Variants in OSBPL1A observed in about 807,000 individuals in gnomAD.
OSBPL1A encodes the protein oxysterol binding protein like 1A.
A neutral mutation model predicts 137.1 loss-of-function variants in OSBPL1A; 80 were observed. That is an observed-to-expected ratio of 0.58 (90% CI 0.49 to 0.70). The LOEUF (loss-of-function observed/expected upper bound fraction) is 0.70. Ranked by LOEUF, OSBPL1A falls within the 30% of genes least tolerant of loss-of-function variation. OSBPL1A has a pLI of 0.00. For synonymous variants in OSBPL1A, 365 were observed against 389.7 expected (o/e 0.94, Z 0.75); for missense variants, 970 against 1,129.4 (o/e 0.86, Z 2.02).
intron 14 of OSBPL1A, 65 bp from the exon 15 acceptor site, chr18:24,281,013 C>G: frequency 1.0e-6 from 1 of 965,282 alleles, no homozygotes; most frequent in Non-Finnish European, 1.5e-6. Context: ...ACTAAGACCA[C>G]AAAAATACTC....
chr18:24,263,931 T>C (rs1463797293), intron 15 of OSBPL1A, among the ~76,000 whole-genome samples: 1 of 152,104 alleles, frequency 6.6e-6, no homozygotes, highest in Non-Finnish European at 1.5e-5. Flanking sequence ...GCCACTACGT[T>C]CAGCCTATTC....
chr18:24,180,385 T>C (rs1567924567), intron 19 of OSBPL1A, among the ~76,000 whole-genome samples: 1 of 152,174 alleles, frequency 6.6e-6, no homozygotes, highest in Non-Finnish European at 1.5e-5. Context: ...AAAAGTGCAA[T>C]TCCTTGCCGT....
chr18:24,255,499 C>T (rs2089244408), intron 15 of OSBPL1A, among the ~76,000 whole-genome samples: 1 of 152,174 alleles, frequency 6.6e-6, no homozygotes, highest in Non-Finnish European at 1.5e-5. Flanking sequence ...AATTGATTGT[C>T]TCCTTTGGAG....
At chr18:24,305,747 G>A (rs570173740) in intron 13 of OSBPL1A, among the ~76,000 whole-genome samples, 139 of 152,190 alleles carry the variant, frequency 9.1e-4, no homozygotes, top group African/African-American at 3.2e-3. Context: ...GGAGGAACCC[G>A]GTGGGAGGTA....
intron 15 of OSBPL1A, among the ~76,000 whole-genome samples, chr18:24,266,539 G>C (rs1195256936): frequency 2.0e-5 from 3 of 152,168 alleles, no homozygotes; most frequent in Non-Finnish European, 4.4e-5. Flanking sequence ...AAAGTATGAA[G>C]GAAAAAGAGG....
intron 16 of OSBPL1A, among the ~76,000 whole-genome samples, chr18:24,227,893 A>C (rs1301206398): frequency 6.6e-6 from 1 of 152,204 alleles, no homozygotes; most frequent in Non-Finnish European, 1.5e-5. Context: ...AAAGCAATGA[A>C]GCAAAATACC....
chr18:24,268,984 G>A (rs76888153), intron 15 of OSBPL1A, among the ~76,000 whole-genome samples: 1 of 152,078 alleles, frequency 6.6e-6, no homozygotes, highest in Admixed American at 6.5e-5. Context: ...TGTGACTTGT[G>A]CCATAAAACT....
rs564562017 is a variant in OSBPL1A at position 24,278,159 on chromosome 18, G to A, written c.1281+2683C>T. Reference sequence around the variant, plus strand: ...AGTGCTTCTAAAAGCTTGCTATATGGTTTCCCTTATTCAAAAGATGAAGAC... The same window carrying A: ...AGTGCTTCTAAAAGCTTGCTATATGATTTCCCTTATTCAAAAGATGAAGAC... On this transcript the variant is annotated intron_variant, in intron 15 of 27. Coordinates refer to ENST00000319481, the MANE Select transcript of OSBPL1A (RefSeq NM_080597.4). 6.6e-5 allele frequency among the ~76,000 whole-genome samples: 10 copies of A among 152,272 alleles called. No individual in the cohort carries two copies. The South Asian group carries it at 2.1e-3, about 32-fold the overall frequency.
chr18:24,165,208 G>A, intron 26 of OSBPL1A, 53 bp from the exon 27 acceptor site: 1 of 1,492,752 alleles, frequency 6.7e-7, no homozygotes, highest in Non-Finnish European at 9.3e-7. Flanking sequence ...GAGGATGCCA[G>A]GCACAGTATT....
chr18:24,313,404 G>A (rs1174972303), intron 12 of OSBPL1A, among the ~76,000 whole-genome samples: 6 of 148,908 alleles, frequency 4.0e-5, no homozygotes, highest in African/African-American at 1.5e-4. Flanking sequence ...TCCCACCACT[G>A]CACTCAAGCC....
At chr18:24,203,444 A>C (rs1217343405) in intron 17 of OSBPL1A, among the ~76,000 whole-genome samples, 1 of 152,136 alleles carries the variant, frequency 6.6e-6, no homozygotes, top group Non-Finnish European at 1.5e-5. Flanking sequence ...AAATTGAAAT[A>C]TTACCCTATA....
Position 24,163,247 on chromosome 18 carries a change from C to T in OSBPL1A, c.2785G>A (p.Ala929Thr). 4 of 1,613,432 alleles carry T rather than the reference C, an allele frequency of 2.5e-6. No individual in the cohort carries two copies. The highest frequency in any genetic ancestry group is 3.4e-6 in the Non-Finnish European group (4 of 1,179,620). ...FHQGPNPYNG[A>T]QDWIYSGSYW... is the part of the protein sequence containing the mutation. ...CTGCCAGAGTAAATCCAGTCCTGTG[C>T]TCCATTGTAGGGATTAGGACCTTGA... The change falls in exon 28 of 28, where the codon GCA becomes ACA. Residue 929 changes from alanine to threonine, a missense_variant. Ala to Thr is a moderately conservative substitution (Grantham distance 58). This residue lies in a region of OSBPL1A where 323 missense variants were observed against 456.8 expected (regional missense o/e 0.71). Coordinates refer to ENST00000319481, the MANE Select transcript of OSBPL1A (RefSeq NM_080597.4).
chr18:24,239,582 A>G (rs1178142208), intron 15 of OSBPL1A, among the ~76,000 whole-genome samples, 200 bp from the exon 16 acceptor site: 3 of 152,230 alleles, frequency 2.0e-5, no homozygotes, highest in Non-Finnish European at 4.4e-5. Flanking sequence ...TTCTGGCAAC[A>G]GCTTAGCTAA....
At chr18:24,263,935 C>T (rs2089505864) in intron 15 of OSBPL1A, among the ~76,000 whole-genome samples, 1 of 152,200 alleles carries the variant, frequency 6.6e-6, no homozygotes, top group Non-Finnish European at 1.5e-5. Context: ...CTACGTTCAG[C>T]CTATTCCTAA....
At chr18:24,336,694 T>C (rs2091181204) in intron 5 of OSBPL1A, among the ~76,000 whole-genome samples, 1 of 152,240 alleles carries the variant, frequency 6.6e-6, no homozygotes, top group East Asian at 1.9e-4. Context: ...ATCAAGTTAG[T>C]GAGGATCTTA....
intron 24 of OSBPL1A, among the ~76,000 whole-genome samples, chr18:24,167,981 C>T (rs2086184606): frequency 6.6e-6 from 1 of 152,308 alleles, no homozygotes; most frequent in South Asian, 2.1e-4. Context: ...TCACAAGCTT[C>T]GTGTGTTGTG....
intron 14 of OSBPL1A, among the ~76,000 whole-genome samples, chr18:24,292,786 T>G (rs533392819): frequency 6.6e-6 from 1 of 152,182 alleles, no homozygotes; most frequent in South Asian, 2.1e-4. Context: ...GCTAAGGGTC[T>G]CAGCAGGGAA....
chr18:24,273,972 A>G (rs746372572), intron 15 of OSBPL1A, among the ~76,000 whole-genome samples: 1 of 152,034 alleles, frequency 6.6e-6, no homozygotes, highest in East Asian at 1.9e-4. Context: ...GGTGGCTCAC[A>G]CCTATAATCC....
chr18:24,239,169 G>C, intron 16 of OSBPL1A, 51 bp downstream of exon 16: 2 of 1,591,266 alleles, frequency 1.3e-6, no homozygotes, highest in Non-Finnish European at 1.7e-6. Flanking sequence ...GCTCATTTAG[G>C]TGGTGGACTC....
Sources: gnomAD v4.1 joint callset for allele counts (sites outside exome capture counted in the v4.1 genomes callset) on GRCh38, gnomAD v4.1.1 for gene constraint, gnomAD v4.1.1 regional missense constraint, MANE v1.5 for transcripts, NCBI Gene and HGNC (gene_info 2026-07-23, HGNC 2026-07-21) for gene names.